ASIC2: variants seen among roughly 807,000 people sequenced by gnomAD.
ASIC2 encodes acid sensing ion channel subunit 2.
In ASIC2, 25 loss-of-function variants were observed where a neutral mutation model predicts 57.3. The observed-to-expected ratio is 0.44, with a 90% confidence interval of 0.32 to 0.61. ASIC2 has a LOEUF of 0.61. Ranked by LOEUF, ASIC2 falls within the 20% of genes least tolerant of loss-of-function variation. The pLI is 0.06. For missense variants in ASIC2, 641 were observed against 738.1 expected (o/e 0.87, Z 1.52); for synonymous variants, 319 against 307.5 (o/e 1.04, Z -0.39).
chr17:33,570,105 T>G (rs1414425229), intron 1 of ASIC2, among the ~76,000 whole-genome samples: 2 of 152,200 alleles, frequency 1.3e-5, no homozygotes, highest in Non-Finnish European at 2.9e-5. Context: ...GCTCTTGCAC[T>G]AGCTGTCTCC....
intron 1 of ASIC2, among the ~76,000 whole-genome samples, chr17:33,377,341 G>A (rs1458953739): frequency 6.6e-6 from 1 of 152,200 alleles, no homozygotes; most frequent in Non-Finnish European, 1.5e-5. Flanking sequence ...GTGAGCCACT[G>A]TGCCCAGCTA....
chr17:33,328,394 A>G (rs1470227584), intron 1 of ASIC2, among the ~76,000 whole-genome samples: 1 of 152,136 alleles, frequency 6.6e-6, no homozygotes, highest in African/African-American at 2.4e-5. Context: ...AGCCGGATCA[A>G]AGCTACCCAG....
intron 1 of ASIC2, among the ~76,000 whole-genome samples, chr17:33,392,309 G>A (rs545164607): frequency 7.4e-5 from 11 of 149,610 alleles, no homozygotes; most frequent in Non-Finnish European, 1.2e-4. Context: ...TACCCAGGCT[G>A]GAGTGCAGTG....
chr17:33,328,568 T>C (rs1907172830), intron 1 of ASIC2, among the ~76,000 whole-genome samples: 2 of 152,314 alleles, frequency 1.3e-5, no homozygotes, highest in South Asian at 4.1e-4. Flanking sequence ...GTTTCTGTGA[T>C]AGAGACACAA....
intron 1 of ASIC2, among the ~76,000 whole-genome samples, chr17:33,770,920 T>C (rs73986172): frequency 2.0e-4 from 31 of 152,214 alleles, no homozygotes; most frequent in African/African-American, 7.2e-4. Flanking sequence ...CAAAGGAACA[T>C]TCATTGTCTG....
At chr17:33,603,948 C>T (rs1857037155) in intron 1 of ASIC2, among the ~76,000 whole-genome samples, 1 of 152,194 alleles carries the variant, frequency 6.6e-6, no homozygotes, top group African/African-American at 2.4e-5. Context: ...AGCAGAGGGT[C>T]ACGTGGGAGG....
intron 1 of ASIC2, among the ~76,000 whole-genome samples, chr17:33,845,089 G>A (rs772392431): frequency 6.6e-6 from 1 of 152,172 alleles, no homozygotes; most frequent in Non-Finnish European, 1.5e-5. Flanking sequence ...GAGCTGAATT[G>A]TCCAGTCATA....
intron 1 of ASIC2, among the ~76,000 whole-genome samples, chr17:33,746,072 A>G (rs944990692): frequency 6.6e-6 from 1 of 152,026 alleles, no homozygotes; most frequent in African/African-American, 2.4e-5. Flanking sequence ...GAGTAAAGAA[A>G]TGATAACAGA....
At chr17:33,747,982 T>C (rs1039390307) in intron 1 of ASIC2, among the ~76,000 whole-genome samples, 2 of 152,216 alleles carry the variant, frequency 1.3e-5, no homozygotes, top group Non-Finnish European at 2.9e-5. Flanking sequence ...CAGGTGGCCC[T>C]CAACAACCTC....
At chr17:33,192,353 A>T (rs546910316) in intron 1 of ASIC2, among the ~76,000 whole-genome samples, 2 of 152,262 alleles carry the variant, frequency 1.3e-5, no homozygotes, top group East Asian at 1.9e-4. Flanking sequence ...ATTGCACTCC[A>T]GCCTGGGCAA....
intron 1 of ASIC2, chr17:33,816,620 A>G (rs1912590524): frequency 6.6e-6 from 1 of 152,146 alleles, no homozygotes; most frequent in African/African-American, 2.4e-5. Context: ...TCACATGAAA[A>G]AAGTCTGAGG....
intron 1 of ASIC2, among the ~76,000 whole-genome samples, chr17:33,533,162 A>G (rs1915108682): frequency 6.6e-6 from 1 of 152,164 alleles, no homozygotes; most frequent in Non-Finnish European, 1.5e-5. Flanking sequence ...CCTGGCCAAC[A>G]TGGTGAAACC....
At chr17:33,533,149 C>A (rs939890536) in intron 1 of ASIC2, among the ~76,000 whole-genome samples, 11 of 152,152 alleles carry the variant, frequency 7.2e-5, no homozygotes, top group African/African-American at 2.4e-4. Context: ...AGTTCAAGAC[C>A]AGCCTGGCCA....
chr17:33,625,129 G>GTCTGTCTGTCTA (rs1555548113), intron 1 of ASIC2, among the ~76,000 whole-genome samples: 1,836 of 146,432 alleles, frequency 0.013, 20 homozygotes, highest in Middle Eastern at 0.018. Flanking sequence ...TGGCCTCTCT[G>GTCTGTCTGTCTA]TCTATCTATC....
At chr17:33,561,800 A>T (rs1329071637) in intron 1 of ASIC2, among the ~76,000 whole-genome samples, 5 of 152,224 alleles carry the variant, frequency 3.3e-5, no homozygotes, top group Non-Finnish European at 5.9e-5. Flanking sequence ...CTAGCAATCA[A>T]TGACCAATTT....
intron 1 of ASIC2, among the ~76,000 whole-genome samples, chr17:34,029,395 T>C (rs1259657512): frequency 3.3e-5 from 4 of 120,966 alleles, no homozygotes; most frequent in African/African-American, 9.5e-5. Flanking sequence ...AAAAAAAAAA[T>C]AGTAAAATTT....
intron 1 of ASIC2, among the ~76,000 whole-genome samples, chr17:33,749,492 C>A (rs908734345): frequency 3.3e-5 from 5 of 152,212 alleles, no homozygotes; most frequent in Non-Finnish European, 5.9e-5. Flanking sequence ...GGGTCTCTCA[C>A]ATGGATCTCA....
chr17:33,147,576 C>T (rs936677390), intron 1 of ASIC2, among the ~76,000 whole-genome samples: 2 of 152,028 alleles, frequency 1.3e-5, no homozygotes, highest in African/African-American at 4.8e-5. Flanking sequence ...TAATTGGACA[C>T]AGCAGGATTG....
At chr17:33,594,100 G>A (rs1471042744) in intron 1 of ASIC2, among the ~76,000 whole-genome samples, 1 of 152,318 alleles carries the variant, frequency 6.6e-6, no homozygotes, top group Non-Finnish European at 1.5e-5. Flanking sequence ...ATCTTAGCTC[G>A]CGTTTCCTAC....
Sources: allele counts gnomAD v4.1 joint callset (sites outside exome capture counted in the v4.1 genomes callset), GRCh38; gene constraint gnomAD v4.1.1; transcripts MANE v1.5; gene names NCBI Gene and HGNC (gene_info 2026-07-23, HGNC 2026-07-21).